Variants in ANKH observed in about 807,000 individuals in gnomAD.
ANKH encodes ANKH inorganic pyrophosphate transport regulator.
A neutral mutation model predicts 49.0 loss-of-function variants in ANKH; 15 were observed. That is an observed-to-expected ratio of 0.31 (90% CI 0.20 to 0.47). The LOEUF is 0.47. ANKH is among the 20% of genes least tolerant of loss of function. The probability of loss-of-function intolerance (pLI) is 1.00; values close to 1 mark genes in which losing one functional copy is unlikely to be tolerated. For synonymous variants in ANKH, 273 were observed against 260.0 expected (o/e 1.05, Z -0.48); for missense variants, 429 against 652.0 (o/e 0.66, Z 3.72).
intron 1 of ANKH, among the ~76,000 whole-genome samples, chr5:14,793,007 A>AAAATATATATATATTT (rs796261030): frequency 2.5e-5 from 2 of 79,718 alleles, no homozygotes; most frequent in African/African-American, 1.0e-4. Flanking sequence ...TATATATATA[A>AAAATATATATATATTT]ATATATATAT....
intron 1 of ANKH, among the ~76,000 whole-genome samples, chr5:14,782,356 C>T (rs1010550800): frequency 2.6e-5 from 4 of 152,130 alleles, no homozygotes; most frequent in African/African-American, 9.7e-5. Context: ...GGGGAGGAAA[C>T]TGATGTATGG....
At chr5:14,749,406 C>G in intron 5 of ANKH, 100 bp from the exon 6 acceptor site, 1 of 1,293,780 alleles carries the variant, frequency 7.7e-7, no homozygotes, top group South Asian at 1.2e-5. Flanking sequence ...TAATCACAAG[C>G]CAATTCACTA....
At chr5:14,864,082 C>T (rs1295996338) in intron 1 of ANKH, among the ~76,000 whole-genome samples, 2 of 152,240 alleles carry the variant, frequency 1.3e-5, no homozygotes, top group East Asian at 3.9e-4. Flanking sequence ...GGCATGGTTC[C>T]ATATGCCTGG....
chr5:14,840,167 G>T (rs1044757110), intron 1 of ANKH, among the ~76,000 whole-genome samples: 1 of 152,174 alleles, frequency 6.6e-6, no homozygotes, highest in Non-Finnish European at 1.5e-5. Flanking sequence ...TGAACATGCT[G>T]GGTTTGCTCA....
At chr5:14,805,507 C>CAT (rs1491406835) in intron 1 of ANKH, among the ~76,000 whole-genome samples, 1 of 146,280 alleles carries the variant, frequency 6.8e-6, no homozygotes, top group Non-Finnish European at 1.5e-5. Context: ...CACACACACA[C>CAT]GTATATATAC....
chr5:14,770,017 C>T lies in ANKH; in HGVS notation c.97-826G>A, dbSNP rs1165550615. Among the ~76,000 whole-genome samples, 2 of 152,144 alleles carry T rather than the reference C, an allele frequency of 1.3e-5. No homozygotes were observed. Among genetic ancestry groups the T allele is most frequent in the African/African-American group, 4.8e-5 (2 of 41,424 alleles). On this transcript the variant is annotated intron_variant, in intron 1 of 11. Transcript: ENST00000284268. The surrounding 1 kb of genome is among the most constrained non-coding windows in gnomAD (Gnocchi z 4.1). Reference sequence around the variant, plus strand: ...CGAAGACAAATCAGTAACAGCAGACCAGTGGGAATGGATGTCCAGGTAGAG... The same window carrying T: ...CGAAGACAAATCAGTAACAGCAGACTAGTGGGAATGGATGTCCAGGTAGAG...
chr5:14,792,995 T>TATATATATATAAATATATATATATAA (rs1561057663), intron 1 of ANKH, among the ~76,000 whole-genome samples: 16 of 77,106 alleles, frequency 2.1e-4, no homozygotes, highest in South Asian at 7.0e-4. Context: ...TATAAAAATA[T>TATATATATATAAATATATATATATAA]ATATATATAT....
At chr5:14,794,849 T>C (rs1171967954) in intron 1 of ANKH, among the ~76,000 whole-genome samples, 1 of 152,232 alleles carries the variant, frequency 6.6e-6, no homozygotes, top group Non-Finnish European at 1.5e-5. Context: ...TTTGAAGAAA[T>C]ATATACGGCA....
At chr5:14,712,237 T>C (rs539494928) in intron 11 of ANKH, among the ~76,000 whole-genome samples, 1 of 152,378 alleles carries the variant, frequency 6.6e-6, no homozygotes, top group East Asian at 1.9e-4. Context: ...GCAGGCTCTC[T>C]GAGTGGCCTG....
chr5:14,741,320 T>A (rs926706281), intron 8 of ANKH: 2 of 170,398 alleles, frequency 1.2e-5, no homozygotes, highest in African/African-American at 4.8e-5. Flanking sequence ...CACACACGCT[T>A]GCTCACAGCT....
chr5:14,739,067 A>G (rs962868057), intron 8 of ANKH, among the ~76,000 whole-genome samples: 11 of 152,218 alleles, frequency 7.2e-5, no homozygotes, highest in African/African-American at 2.7e-4. Flanking sequence ...GAATACAGTA[A>G]GAGACAGAAT....
At chr5:14,714,727 G>A (rs556298774) in intron 9 of ANKH, among the ~76,000 whole-genome samples, 1 of 152,068 alleles carries the variant, frequency 6.6e-6, no homozygotes, top group Non-Finnish European at 1.5e-5. Context: ...TGCTAAACTG[G>A]TTGGCCCAAA....
At chr5:14,814,045 T>C (rs191413987) in intron 1 of ANKH, among the ~76,000 whole-genome samples, 102 of 152,280 alleles carry the variant, frequency 6.7e-4, no homozygotes, top group African/African-American at 2.5e-3. Context: ...TCCCAGTTCT[T>C]CTTATTCTTC....
Position 14,711,208 on chromosome 5 carries a change from C to A in ANKH, c.1468G>T (p.Glu490Ter), listed in dbSNP as rs1737176480. The change falls in exon 12 of 12, where the codon GAG becomes TAG. Residue 490 changes from glutamate to a stop codon, truncating the protein, a stop_gained. Transcript: ENST00000284268. LOFTEE classifies it high-confidence loss of function. Reference protein sequence around the residue: ...EVTDIVEMREENE With the variant: ...EVTDIVEMRE ...TGGCGTCCCGTGCCTTATTCATTCT[C>A]CTCTCTCATTTCCACGATGTCTGTC... 1 of 1,613,898 alleles carries A rather than the reference C, an allele frequency of 6.2e-7. No individual in the cohort carries two copies. Among genetic ancestry groups the A allele is most frequent in the African/African-American group, 1.3e-5 (1 of 74,926 alleles).
Position 14,713,762 on chromosome 5 carries a change from G to A in ANKH, c.1142-95C>T. ...AGGGCAGCACATCCGAGAGCCAGGGGCTGCCTAGGACCCTGGCCTTGCTGT... is the reference window on the plus strand; with the variant it reads ...AGGGCAGCACATCCGAGAGCCAGGGACTGCCTAGGACCCTGGCCTTGCTGT... On this transcript the variant is annotated intron_variant, in intron 9 of 11. Transcript: ENST00000284268. The surrounding 1 kb of genome is among the most constrained non-coding windows in gnomAD (Gnocchi z 4.4). 1 of 1,552,494 alleles carries A rather than the reference G, an allele frequency of 6.4e-7. No homozygotes were observed. The highest frequency in any genetic ancestry group is 8.9e-7 in the Non-Finnish European group (1 of 1,129,814).
chr5:14,711,229 C>T lies in ANKH; in HGVS notation c.1447G>A (p.Asp483Asn). Residue 483 changes from aspartate to asparagine, a missense_variant, in exon 12 of 12, where the codon GAC (aspartate) becomes AAC (asparagine). This residue lies in a region of ANKH where 51 missense variants were observed against 36.7 expected (regional missense o/e 1.39). Transcript: ENST00000284268. ...TTCTCCTCTCTCATTTCCACGATGTCTGTCACCTCCTCTGTCGGAGGCATG... is the reference window on the plus strand; with the variant it reads ...TTCTCCTCTCTCATTTCCACGATGTTTGTCACCTCCTCTGTCGGAGGCATG... ...TDMPPTEEVT[D>N]IVEMREENE 6.2e-7 allele frequency: 1 copy of T among 1,614,164 alleles called. No homozygotes were observed. Among genetic ancestry groups the T allele is most frequent in the Non-Finnish European group, 8.5e-7 (1 of 1,180,022 alleles).
At chr5:14,781,009 G>A (rs1380485606) in intron 1 of ANKH, among the ~76,000 whole-genome samples, 1 of 152,174 alleles carries the variant, frequency 6.6e-6, no homozygotes, top group Non-Finnish European at 1.5e-5. Context: ...AGTTACCTGT[G>A]GGAAGAGCTT....
chr5:14,812,850 A>G (rs10065497), intron 1 of ANKH, among the ~76,000 whole-genome samples: 2,285 of 152,338 alleles, frequency 0.015, 48 homozygotes, highest in African/African-American at 0.052. Context: ...CTGACTGTCT[A>G]TCTAGAAACA....
intron 8 of ANKH, among the ~76,000 whole-genome samples, chr5:14,726,467 G>A (rs757534978): frequency 4.6e-5 from 7 of 152,146 alleles, no homozygotes; most frequent in Non-Finnish European, 1.0e-4. Flanking sequence ...CGGCTACTGT[G>A]ACCATCCAGG....
Sources: gnomAD v4.1 joint callset for allele counts (sites outside exome capture counted in the v4.1 genomes callset) on GRCh38, gnomAD v4.1.1 for gene constraint, gnomAD v4.1.1 regional missense constraint, Gnocchi (gnomAD v3.1) non-coding constraint, MANE v1.5 for transcripts, NCBI Gene and HGNC (gene_info 2026-07-23, HGNC 2026-07-21) for gene names.